Variants in NFATC2IP observed in about 807,000 individuals in gnomAD.
NFATC2IP encodes NFATC2-interacting protein.
In NFATC2IP, 25 loss-of-function variants were observed where a neutral mutation model predicts 40.2. That is an observed-to-expected ratio of 0.62 (90% CI 0.45 to 0.87). NFATC2IP has a LOEUF of 0.87. Among genes scored for constraint, NFATC2IP ranks in the 40% least tolerant of loss-of-function variants. NFATC2IP has a pLI of 0.00. For synonymous variants in NFATC2IP, 241 were observed against 236.3 expected (o/e 1.02, Z -0.18); for missense variants, 553 against 555.6 (o/e 1.00, Z 0.05).
intron 7 of NFATC2IP, among the ~76,000 whole-genome samples, chr16:28,962,793 A>G (rs1289166658): frequency 2.0e-5 from 3 of 152,132 alleles, no homozygotes; most frequent in African/African-American, 4.8e-5. Context: ...GGCGGCCCAC[A>G]GTCCTTGGCA....
At position 28,959,006 on chromosome 16, in the gene NFATC2IP, C is replaced by G. The variant is rs765261665; in HGVS notation, c.1007C>G (p.Thr336Arg). 1.9e-6 allele frequency: 3 copies of G among 1,613,804 alleles called. No homozygotes were observed. The highest frequency in any genetic ancestry group is 2.5e-6 in the Non-Finnish European group (3 of 1,179,678). Reference sequence around the variant, plus strand: ...CCTCCCACAGACTGTGTGGTACTAACAAGTTCTCCAGAGGCCACAGAGACG... The same window carrying G: ...CCTCCCACAGACTGTGTGGTACTAAGAAGTTCTCCAGAGGCCACAGAGACG... Reference protein sequence around the residue: ...VADIIDCVVLTSSPEATETSQ... With the variant: ...VADIIDCVVLRSSPEATETSQ... Residue 336 changes from threonine (T) to arginine (R), a missense_variant, in exon 7 of 8, where the codon ACA becomes AGA. By Grantham distance (71) the Thr-to-Arg change is moderately conservative. Transcript: ENST00000320805.
chr16:28,954,533 C>T (rs1427714369), intron 2 of NFATC2IP, 32 bp from the exon 3 acceptor site: 4 of 1,479,184 alleles, frequency 2.7e-6, no homozygotes, highest in African/African-American at 1.4e-5. Context: ...CCTTGGATAA[C>T]CCCCTTCTAC....
At chr16:28,961,767 G>T (rs1431912635) in intron 7 of NFATC2IP, among the ~76,000 whole-genome samples, 4 of 151,946 alleles carry the variant, frequency 2.6e-5, no homozygotes, top group African/African-American at 9.7e-5. Context: ...GGGCATGGTG[G>T]CATGCGCCTA....
At position 28,956,323 on chromosome 16, in the gene NFATC2IP, T is replaced by C. The variant is rs1965021497; in HGVS notation, c.832T>C (p.Leu278=). The change falls in exon 5 of 8, where the codon TTG becomes CTG. Residue 278 remains leucine (L), a synonymous_variant. Coordinates refer to ENST00000320805, the MANE Select transcript of NFATC2IP (RefSeq NM_032815.4). ...CCGTTGCCGGGCTGACCTGGTCAGA[T>C]TGCCCCTCAGGATGGTGAGTGCCTG... ...KIRCRADLVR[L]PLRMSEPLQS... 2 of 1,613,698 alleles carry C rather than the reference T, an allele frequency of 1.2e-6. No homozygotes were observed. Among genetic ancestry groups the C allele is most frequent in the Non-Finnish European group, 1.7e-6 (2 of 1,179,838 alleles).
intron 3 of NFATC2IP, 90 bp from the exon 4 acceptor site, chr16:28,955,888 T>C (rs1243909704): frequency 3.1e-5 from 33 of 1,054,450 alleles, no homozygotes; most frequent in Non-Finnish European, 4.4e-5. Flanking sequence ...TGCGTCCGAC[T>C]ATGCTTGATT....
intron 5 of NFATC2IP, 37 bp from the exon 6 acceptor site, chr16:28,958,680 C>T: frequency 6.3e-7 from 1 of 1,578,640 alleles, no homozygotes; most frequent in East Asian, 2.2e-5. Flanking sequence ...GATTTCAAGG[C>T]AGGAAGACCT....
At chr16:28,960,719 CAGG>C (rs1460946303) in intron 7 of NFATC2IP, among the ~76,000 whole-genome samples, 1 of 152,086 alleles carries the variant, frequency 6.6e-6, no homozygotes, top group African/African-American at 2.4e-5. Context: ...GCGGCTGAGG[CAGG>C]AGGATTGCTT....
At chr16:28,952,337 C>T in intron 2 of NFATC2IP, 133 bp downstream of exon 2, 2 of 1,365,338 alleles carry the variant, frequency 1.5e-6, no homozygotes, top group Middle Eastern at 1.9e-4. Context: ...CTCCTGCATC[C>T]CAGCCACAGG....
intron 5 of NFATC2IP, chr16:28,957,523 G>C (rs1965034998): frequency 6.6e-6 from 1 of 152,026 alleles, no homozygotes; most frequent in East Asian, 2.0e-4. Context: ...CATACCTGTA[G>C]TCCCAGCGAC....
In NFATC2IP at chr16:28,966,842, T is replaced by A. The variant is rs1038262376; in HGVS notation, c.*2979T>A. 3.3e-5 allele frequency: 5 copies of A among 152,104 alleles called. No individual in the cohort carries two copies. The highest frequency in any genetic ancestry group is 5.9e-5 in the Non-Finnish European group (4 of 68,034). 9.4% of individuals were successfully genotyped at this position (152,104 alleles called of 1,614,324 possible). On this transcript the variant is annotated 3_prime_UTR_variant, in exon 8 of 8. Transcript: ENST00000320805. ...ACTTTTTGTGATATAATGAGCCAGT[T>A]TTCTCAGTAATGTCTACTAAAAAAA...
At position 28,965,699 on chromosome 16, in the gene NFATC2IP, G is replaced by C. The variant is rs7500321; in HGVS notation, c.*1836G>C. 1 of 151,634 alleles carries C rather than the reference G, an allele frequency of 6.6e-6. No homozygotes were observed. The highest frequency in any genetic ancestry group is 2.4e-5 in the African/African-American group (1 of 41,294). 9.4% of individuals were successfully genotyped at this position (151,634 alleles called of 1,614,324 possible). ...AGAGCAAGGCTCCACTCAAAAAAAA[G>C]ATTTAAAGGGGAAAAAATTGAAATT... On this transcript the variant is annotated 3_prime_UTR_variant, in exon 8 of 8. Coordinates refer to ENST00000320805, the MANE Select transcript of NFATC2IP (RefSeq NM_032815.4).
intron 3 of NFATC2IP, 58 bp downstream of exon 3, chr16:28,954,740 C>G: frequency 9.5e-7 from 1 of 1,052,230 alleles, no homozygotes; most frequent in Admixed American, 1.9e-5. Context: ...GAGGGGTAAG[C>G]GGAGGCAGGC....
At chr16:28,958,496 T>G (rs948575146) in intron 5 of NFATC2IP, 8 of 464,078 alleles carry the variant, frequency 1.7e-5, no homozygotes, top group Non-Finnish European at 3.1e-5. Context: ...CCACCACCCC[T>G]TTCTTTGTTC....
Position 28,966,163 on chromosome 16 carries a change from T to A in NFATC2IP, c.*2300T>A, listed in dbSNP as rs913575738. On this transcript the variant is annotated 3_prime_UTR_variant, in exon 8 of 8. Transcript: ENST00000320805. ...TAGAGTTGTTAAGATATTTTACATC[T>A]TCTCCTGTTAGCTGTTCAGCTTTTC... 1.3e-5 allele frequency: 2 copies of A among 152,264 alleles called. No individual in the cohort carries two copies. The highest frequency in any genetic ancestry group is 2.9e-5 in the Non-Finnish European group (2 of 68,048). 9.4% of individuals were successfully genotyped at this position (152,264 alleles called of 1,614,324 possible).
chr16:28,958,640 T>C (rs1965048298), intron 5 of NFATC2IP, 77 bp from the exon 6 acceptor site: 3 of 1,238,570 alleles, frequency 2.4e-6, no homozygotes, highest in Non-Finnish European at 3.4e-6. Flanking sequence ...AGGCCAGAGC[T>C]TGTGTTTGGG....
chr16:28,955,948 C>T, intron 3 of NFATC2IP, 30 bp from the exon 4 acceptor site: 1 of 1,550,162 alleles, frequency 6.5e-7, no homozygotes, highest in Non-Finnish European at 8.9e-7. Context: ...CTCTCCATTG[C>T]CTCCGTCCTG....
chr16:28,961,923 AGACAG>A (rs1386729719), intron 7 of NFATC2IP, among the ~76,000 whole-genome samples: 10 of 146,944 alleles, frequency 6.8e-5, no homozygotes, highest in Non-Finnish European at 1.5e-4. Flanking sequence ...AAAAAAAAAA[AGACAG>A]GGTCTTGCTC....
At chr16:28,958,571 C>A (rs1274716178) in intron 5 of NFATC2IP, 146 bp from the exon 6 acceptor site, 6 of 704,884 alleles carry the variant, frequency 8.5e-6, no homozygotes, top group Non-Finnish European at 1.5e-5. Context: ...CGATTTTATT[C>A]TATACCTTGC....
rs1215719177 is a variant in NFATC2IP at position 28,963,620 on chromosome 16, C to T, written c.1102-85C>T. ...TTGTTTCCGCCCCTGCCGCCATCCTCCCTGTCCCAAGTTCCTCGTCTATCC... is the reference window on the plus strand; with the variant it reads ...TTGTTTCCGCCCCTGCCGCCATCCTTCCTGTCCCAAGTTCCTCGTCTATCC... On this transcript the variant is annotated intron_variant, in intron 7 of 7. Coordinates refer to ENST00000320805, the MANE Select transcript of NFATC2IP (RefSeq NM_032815.4). The T allele has an allele frequency of 3.2e-6, 4 of 1,242,672 alleles. No individual in the cohort carries two copies. The Admixed American group carries it at 7.7e-5, about 24-fold the overall frequency. The allele number at this position is 1,242,672 out of a possible 1,614,324, so 77.0% of individuals were successfully genotyped here.
Sources: allele counts gnomAD v4.1 joint callset (sites outside exome capture counted in the v4.1 genomes callset), GRCh38; gene constraint gnomAD v4.1.1; transcripts MANE v1.5; gene names NCBI Gene and HGNC (gene_info 2026-07-23, HGNC 2026-07-21).